ASIC2: variants seen among roughly 807,000 people sequenced by gnomAD.
ASIC2 encodes acid-sensing ion channel 2.
ASIC2 carries 25 observed loss-of-function variants against 57.3 expected under a neutral mutation model. That is an observed-to-expected ratio of 0.44 (90% CI 0.32 to 0.61). The LOEUF is 0.61. Among genes scored for constraint, ASIC2 ranks in the 20% least tolerant of loss-of-function variants. The pLI, the probability that ASIC2 is intolerant of heterozygous loss-of-function variation, is 0.06. For synonymous variants in ASIC2, 319 were observed against 307.5 expected, an observed-to-expected ratio of 1.04 and a Z score of -0.39; for missense variants, 641 against 738.1, an observed-to-expected ratio of 0.87 and a Z score of 1.52.
intron 1 of ASIC2, among the ~76,000 whole-genome samples, chr17:33,701,624 C>T (rs1908704307): frequency 6.6e-6 from 1 of 152,202 alleles, no homozygotes; most frequent in Non-Finnish European, 1.5e-5. Context: ...AGCACCTTGA[C>T]ACAGTACAGA....
intron 1 of ASIC2, among the ~76,000 whole-genome samples, chr17:33,629,773 G>A (rs1906102120): frequency 6.6e-6 from 1 of 152,188 alleles, no homozygotes; most frequent in South Asian, 2.1e-4. Context: ...TTCCAGGGTA[G>A]CAAACCCAGT....
At position 33,951,727 on chromosome 17, in the gene ASIC2, C is replaced by T. The variant is rs1341906211; in HGVS notation, c.555+204251G>A. Among the ~76,000 whole-genome samples, 8 of 151,010 alleles carry T rather than the reference C, an allele frequency of 5.3e-5. No individual in the cohort carries two copies. In the East Asian group the frequency reaches 1.2e-3, roughly 22 times the overall value. On this transcript the variant is annotated intron_variant, in intron 1 of 9. Transcript: ENST00000359872. Reference sequence around the variant, plus strand: ...CCTCCAGAGTAGCTGGGACTACAGGCGTGTGCCACCACGCCTGGCTAATTT... The same window carrying T: ...CCTCCAGAGTAGCTGGGACTACAGGTGTGTGCCACCACGCCTGGCTAATTT...
In ASIC2 at chr17:33,579,289, A is replaced by AAG. The variant is rs1337785986; in HGVS notation, c.556-467223_556-467222insCT. 2.0e-5 allele frequency among the ~76,000 whole-genome samples: 3 copies of AAG among 149,878 alleles called. 1 individual carries two copies. The highest frequency in any genetic ancestry group is 7.4e-5 in the African/African-American group (3 of 40,596). ...TAGCACGAATGAAACTGTGTCTCAAAAAAAAAAAAAAAAAATGCAGGTGGG... is the reference window on the plus strand; with the variant it reads ...TAGCACGAATGAAACTGTGTCTCAAAAGAAAAAAAAAAAAAAATGCAGGTGGG... On this transcript the variant is annotated intron_variant, in intron 1 of 9. Transcript: ENST00000359872.
intron 1 of ASIC2, among the ~76,000 whole-genome samples, chr17:33,470,656 G>C (rs1460829655): frequency 2.6e-5 from 4 of 152,086 alleles, no homozygotes; most frequent in Non-Finnish European, 5.9e-5. Context: ...TGGGATAGTG[G>C]GACTCAGAGC....
chr17:33,616,261 G>T (rs375154858), intron 1 of ASIC2, among the ~76,000 whole-genome samples: 2 of 141,892 alleles, frequency 1.4e-5, no homozygotes, highest in African/African-American at 5.0e-5. Context: ...TTTGGGGGTG[G>T]GTGGGGGGGT....
intron 1 of ASIC2, among the ~76,000 whole-genome samples, chr17:33,983,677 G>A (rs1905707053): frequency 6.6e-6 from 1 of 152,198 alleles, no homozygotes; most frequent in Non-Finnish European, 1.5e-5. Context: ...CATTTTGCTT[G>A]GTTTCTGGAC....
Position 33,555,724 on chromosome 17 carries a change from A to G in ASIC2, c.556-443657T>C, listed in dbSNP as rs137936363. Among the ~76,000 whole-genome samples the G allele has an allele frequency of 3.5e-3, 527 of 152,254 alleles. 1 individual carries two copies. Among genetic ancestry groups the G allele is most frequent in the South Asian group, 4.8e-3 (23 of 4,814 alleles). ...TCAGGTGTGAAGATCAGGAACCGAG[A>G]TAAGGAAATCCAGGAGGATGTCAGC... On this transcript the variant is annotated intron_variant, in intron 1 of 9. Coordinates refer to the ASIC2 transcript ENST00000359872.
At chr17:33,429,957 C>T (rs746662284) in intron 1 of ASIC2, among the ~76,000 whole-genome samples, 5 of 152,268 alleles carry the variant, frequency 3.3e-5, no homozygotes, top group Non-Finnish European at 7.4e-5. Context: ...GCACAGGAAT[C>T]ACTACCTTCA....
chr17:33,615,354 C>T (rs752824873), intron 1 of ASIC2, among the ~76,000 whole-genome samples: 6 of 152,096 alleles, frequency 3.9e-5, no homozygotes, highest in Non-Finnish European at 4.4e-5. Flanking sequence ...TTTAAAAAAT[C>T]TATTAAGTCC....
At chr17:33,561,815 T>C (rs1374039675) in intron 1 of ASIC2, among the ~76,000 whole-genome samples, 2 of 152,210 alleles carry the variant, frequency 1.3e-5, no homozygotes, top group Non-Finnish European at 1.5e-5. Flanking sequence ...CAATTTCCCT[T>C]TGGGGCTATT....
At chr17:34,039,163 T>C in intron 1 of ASIC2, 1 of 1,614,034 alleles carries the variant, frequency 6.2e-7, no homozygotes, top group Non-Finnish European at 8.5e-7. Context: ...TCTTAATAAA[T>C]CATCTATTCT....
At chr17:33,309,201 G>A (rs761262923) in intron 1 of ASIC2, among the ~76,000 whole-genome samples, 16 of 148,380 alleles carry the variant, frequency 1.1e-4, no homozygotes, top group South Asian at 2.1e-4. Context: ...TCCTCTGCTC[G>A]TAGCTCAGAT....
chr17:33,921,624 G>A (rs181197448), intron 1 of ASIC2, among the ~76,000 whole-genome samples: 170 of 152,212 alleles, frequency 1.1e-3, no homozygotes, highest in Admixed American at 2.5e-3. Flanking sequence ...ATTCCATAGA[G>A]AGGTTCTGTG....
intron 1 of ASIC2, among the ~76,000 whole-genome samples, chr17:33,702,021 C>T (rs552376114): frequency 5.0e-4 from 76 of 152,302 alleles, no homozygotes; most frequent in Non-Finnish European, 8.8e-4. Flanking sequence ...GGGAAGGTCT[C>T]ACTTTGGCAT....
At chr17:33,765,272 AT>A (rs549076853) in intron 1 of ASIC2, among the ~76,000 whole-genome samples, 7 of 150,870 alleles carry the variant, frequency 4.6e-5, no homozygotes, top group African/African-American at 9.7e-5. Flanking sequence ...CGCCCAGCTA[AT>A]TTTTTTTTGT....
At chr17:33,532,990 C>T (rs1218425138) in intron 1 of ASIC2, among the ~76,000 whole-genome samples, 1 of 152,180 alleles carries the variant, frequency 6.6e-6, no homozygotes, top group Non-Finnish European at 1.5e-5. Context: ...ATTTGGGAAC[C>T]ACTGGCTCAG....
At chr17:33,851,108 G>C (rs917867332) in intron 1 of ASIC2, among the ~76,000 whole-genome samples, 4 of 152,142 alleles carry the variant, frequency 2.6e-5, no homozygotes, top group African/African-American at 9.7e-5. Flanking sequence ...TCAGGTAGGG[G>C]GAACAAAATG....
intron 1 of ASIC2, among the ~76,000 whole-genome samples, chr17:33,399,604 G>C (rs1186365408): frequency 6.6e-6 from 1 of 152,204 alleles, no homozygotes; most frequent in Non-Finnish European, 1.5e-5. Flanking sequence ...ATAGTGTCCA[G>C]ACCTCATCAG....
chr17:34,138,246 T>C (rs1024940642), intron 1 of ASIC2, among the ~76,000 whole-genome samples: 1 of 152,188 alleles, frequency 6.6e-6, no homozygotes, highest in Non-Finnish European at 1.5e-5. Context: ...ATTGTGTCCC[T>C]GGGAGGATGC....
Sources: gnomAD v4.1 joint callset for allele counts (sites outside exome capture counted in the v4.1 genomes callset) on GRCh38, gnomAD v4.1.1 for gene constraint, MANE v1.5 for transcripts, NCBI Gene and HGNC (gene_info 2026-07-23, HGNC 2026-07-21) for gene names.